The following COL8A1 variants were observed in gnomAD, a reference collection of about 807,000 sequenced individuals.
COL8A1 encodes the protein collagen type VIII alpha 1 chain, also known as collagen alpha-1(VIII) chain.
COL8A1 carries 21 observed loss-of-function variants against 42.7 expected under a neutral mutation model. The ratio of observed to expected loss-of-function variants is 0.49; its 90% CI spans 0.35 to 0.71. The LOEUF is 0.71. COL8A1 is among the 30% of genes least tolerant of loss of function. The probability of loss-of-function intolerance (pLI) is 0.01; values close to 1 mark genes in which losing one functional copy is unlikely to be tolerated. For missense variants in COL8A1, 788 were observed against 962.4 expected (o/e 0.82, Z 2.40); for synonymous variants, 367 against 369.1 (o/e 0.99, Z 0.06).
rs1942106215 is a variant in COL8A1 at position 99,796,200 on chromosome 3, A to T, written c.*64A>T. 7.8e-7 allele frequency: 1 copy of T among 1,279,364 alleles called. No individual in the cohort carries two copies. Among genetic ancestry groups the T allele is most frequent in the Non-Finnish European group, 1.0e-6 (1 of 966,986 alleles). The allele number at this position is 1,279,364 out of a possible 1,614,324, so 79.3% of individuals were successfully genotyped here. Reference sequence around the variant, plus strand: ...TATAGAAGAAAATGACACACCAAAAAATCCAAATGAAAAACATAATTGCTT... The same window carrying T: ...TATAGAAGAAAATGACACACCAAAATATCCAAATGAAAAACATAATTGCTT... On this transcript the variant is annotated 3_prime_UTR_variant, in exon 4 of 4. Coordinates refer to ENST00000652472, the MANE Select transcript of COL8A1 (RefSeq NM_020351.4).
chr3:99,757,540 G>A (rs792836), intron 2 of COL8A1, among the ~76,000 whole-genome samples: 14 of 152,006 alleles, frequency 9.2e-5, no homozygotes, highest in Non-Finnish European at 2.1e-4. Flanking sequence ...TTTGACTGCC[G>A]TATTAATTCT....
At chr3:99,726,815 C>T (rs1383984864) in intron 1 of COL8A1, among the ~76,000 whole-genome samples, 1 of 151,980 alleles carries the variant, frequency 6.6e-6, no homozygotes, top group Admixed American at 6.6e-5. Context: ...GTTACTGTAG[C>T]CTTGTAGTAT....
intron 1 of COL8A1, among the ~76,000 whole-genome samples, chr3:99,705,736 A>ATCTTTGCTTCTTT (rs1279615168): frequency 1.3e-5 from 2 of 152,324 alleles, no homozygotes; most frequent in South Asian, 4.1e-4. Context: ...AGAAGCAGGG[A>ATCTTTGCTTCTTT]GACTTTGCTC....
intron 2 of COL8A1, among the ~76,000 whole-genome samples, chr3:99,751,933 T>C (rs996095552): frequency 6.6e-6 from 1 of 152,234 alleles, no homozygotes; most frequent in Non-Finnish European, 1.5e-5. Flanking sequence ...AAAAATTGGC[T>C]ACTTCTAAAG....
chr3:99,750,621 A>C (rs1941128057), intron 2 of COL8A1, among the ~76,000 whole-genome samples: 2 of 152,234 alleles, frequency 1.3e-5, no homozygotes, highest in South Asian at 4.1e-4. Flanking sequence ...TTAAAAAATA[A>C]TAATAAATGT....
intron 1 of COL8A1, among the ~76,000 whole-genome samples, chr3:99,701,844 T>C (rs1317398139): frequency 6.6e-6 from 1 of 152,188 alleles, no homozygotes; most frequent in Non-Finnish European, 1.5e-5. Flanking sequence ...CCATGCTCTT[T>C]TCACATAGTT....
At chr3:99,725,512 C>T (rs1268871870) in intron 1 of COL8A1, among the ~76,000 whole-genome samples, 1 of 150,006 alleles carries the variant, frequency 6.7e-6, no homozygotes, top group Non-Finnish European at 1.5e-5. Flanking sequence ...TGTGCTGCAC[C>T]CATTAACTTG....
At chr3:99,719,509 G>T (rs543528715) in intron 1 of COL8A1, among the ~76,000 whole-genome samples, 2 of 152,206 alleles carry the variant, frequency 1.3e-5, no homozygotes, top group Admixed American at 1.3e-4. Flanking sequence ...AAATCAACAG[G>T]CAATTCCTGT....
rs1576481138 is a variant in COL8A1, at chr3:99,796,159, G to C, written c.*23G>C. On this transcript the variant is annotated 3_prime_UTR_variant, in exon 4 of 4. Coordinates refer to ENST00000652472, the MANE Select transcript of COL8A1 (RefSeq NM_020351.4). ...TAAAAACAAAAAAACAAAAAACAAA[G>C]AAAAGAAAGAGATTTTATAGAAGAA... 1 of 1,427,394 alleles carries C rather than the reference G, an allele frequency of 7.0e-7. No homozygotes were observed. The highest frequency in any genetic ancestry group is 9.2e-7 in the Non-Finnish European group (1 of 1,082,830). 88.4% of individuals were successfully genotyped at this position (1,427,394 alleles called of 1,614,324 possible).
intron 1 of COL8A1, among the ~76,000 whole-genome samples, chr3:99,714,104 G>C (rs1266228777): frequency 2.6e-5 from 4 of 152,008 alleles, no homozygotes; most frequent in Admixed American, 1.3e-4. Context: ...TTTTAAATGA[G>C]AGCCCCTGAC....
chr3:99,653,068 A>C (rs1030343008), intron 1 of COL8A1, among the ~76,000 whole-genome samples: 1 of 152,200 alleles, frequency 6.6e-6, no homozygotes, highest in Non-Finnish European at 1.5e-5. Flanking sequence ...CTTACCTCTC[A>C]GGATTGATGT....
chr3:99,661,561 A>G (rs1348527322), intron 1 of COL8A1, among the ~76,000 whole-genome samples: 1 of 152,200 alleles, frequency 6.6e-6, no homozygotes, highest in African/African-American at 2.4e-5. Context: ...ACATTATGGC[A>G]GCTCCTTAAA....
At chr3:99,712,538 T>A (rs1321821047) in intron 1 of COL8A1, among the ~76,000 whole-genome samples, 2 of 152,110 alleles carry the variant, frequency 1.3e-5, no homozygotes, top group African/African-American at 4.8e-5. Context: ...GCCTAACAAA[T>A]ATGACTTTCT....
At chr3:99,653,710 A>T (rs1298163122) in intron 1 of COL8A1, among the ~76,000 whole-genome samples, 1 of 150,344 alleles carries the variant, frequency 6.7e-6, no homozygotes, top group Non-Finnish European at 1.5e-5. Context: ...GTGCTCTACA[A>T]CACTCTCCTT....
chr3:99,794,123 T>C lies in COL8A1; in HGVS notation c.329-107T>C. The C allele has an allele frequency of 1.4e-6, 1 of 696,736 alleles. No homozygotes were observed. Among genetic ancestry groups the C allele is most frequent in the Non-Finnish European group, 2.4e-6 (1 of 417,896 alleles). 43.2% of individuals were successfully genotyped at this position (696,736 alleles called of 1,614,324 possible). A position where few individuals can be genotyped will look rare whatever the true frequency, so the allele number is the denominator to read the frequency against. ...TCTTGATAAGTATTAGGCAAATGTG[T>C]CAGAACTAAATAATGGTTGTCAGTA... On this transcript the variant is annotated intron_variant, in intron 3 of 3. Coordinates refer to ENST00000652472, the MANE Select transcript of COL8A1 (RefSeq NM_020351.4). This position sits in a 1 kb window ranked among gnomAD's most constrained non-coding sequence, Gnocchi z 4.3.
At chr3:99,723,447 C>T (rs1034740343) in intron 1 of COL8A1, among the ~76,000 whole-genome samples, 5 of 151,934 alleles carry the variant, frequency 3.3e-5, no homozygotes, top group Non-Finnish European at 7.4e-5. Flanking sequence ...GCAATATTGC[C>T]CCTTAAAACA....
intron 2 of COL8A1, among the ~76,000 whole-genome samples, chr3:99,768,421 C>T (rs1390282000): frequency 6.6e-6 from 1 of 152,312 alleles, no homozygotes; most frequent in African/African-American, 2.4e-5. Flanking sequence ...GGAGAAATCT[C>T]ATTTACCCTT....
At chr3:99,649,291 CTG>C (rs1937760295) in intron 1 of COL8A1, among the ~76,000 whole-genome samples, 1 of 152,026 alleles carries the variant, frequency 6.6e-6, no homozygotes, top group Non-Finnish European at 1.5e-5. Context: ...TCCATAAAGA[CTG>C]TGAGCTCCTT....
chr3:99,660,075 C>T (rs921351773), intron 1 of COL8A1, among the ~76,000 whole-genome samples: 5 of 152,164 alleles, frequency 3.3e-5, no homozygotes, highest in African/African-American at 1.2e-4. Context: ...TAATAAACTG[C>T]AGTAGAGAAC....
Sources: allele counts gnomAD v4.1 joint callset (sites outside exome capture counted in the v4.1 genomes callset), GRCh38; gene constraint gnomAD v4.1.1; non-coding constraint Gnocchi (gnomAD v3.1); transcripts MANE v1.5; gene names NCBI Gene and HGNC (gene_info 2026-07-23, HGNC 2026-07-21).